Variants in NINJ2 observed in about 807,000 individuals in gnomAD.
The protein encoded by NINJ2 is ninjurin-2.
In NINJ2, 12 loss-of-function variants were observed where a neutral mutation model predicts 11.7. That is an observed-to-expected ratio of 1.02 (90% CI 0.66 to 1.66). The LOEUF (loss-of-function observed/expected upper bound fraction) is 1.66. Among genes scored for constraint, NINJ2 ranks in the 40% most tolerant of loss-of-function variants. NINJ2 has a pLI of 0.00. For synonymous variants in NINJ2, 93 were observed against 76.8 expected (o/e 1.21, Z -1.10); for missense variants, 187 against 181.8 (o/e 1.03, Z -0.16).
intron 1 of NINJ2, among the ~76,000 whole-genome samples, chr12:568,253 G>A (rs1947328767): frequency 6.6e-6 from 1 of 152,152 alleles, no homozygotes; most frequent in South Asian, 2.1e-4. Flanking sequence ...CCTAAAATAT[G>A]GTCTTGGGCA....
intron 1 of NINJ2, among the ~76,000 whole-genome samples, chr12:616,728 T>C (rs1395759434): frequency 6.6e-6 from 1 of 152,206 alleles, no homozygotes; most frequent in African/African-American, 2.4e-5. Flanking sequence ...CTGCTAGTGT[T>C]CTCCTCTCTT....
chr12:611,756 A>G lies in NINJ2; in HGVS notation c.34-45578T>C, dbSNP rs189831879. Reference sequence around the variant, plus strand: ...TGTAGATATTCTTCCCATACCCACCATACCTCTTTCTTGGCAATAAATAAC... The same window carrying G: ...TGTAGATATTCTTCCCATACCCACCGTACCTCTTTCTTGGCAATAAATAAC... On this transcript the variant is annotated intron_variant, in intron 1 of 3. Transcript: ENST00000305108. Among the ~76,000 whole-genome samples, 575 of 152,366 alleles carry G rather than the reference A, an allele frequency of 3.8e-3. 2 individuals are homozygous for G. The highest frequency in any genetic ancestry group is 5.1e-3 in the Non-Finnish European group (348 of 68,026).
At chr12:616,177 T>C (rs1948089153) in intron 1 of NINJ2, among the ~76,000 whole-genome samples, 1 of 152,132 alleles carries the variant, frequency 6.6e-6, no homozygotes, top group African/African-American at 2.4e-5. Flanking sequence ...TGAAGCAAAG[T>C]CCTATAGTCA....
In NINJ2 at chr12:583,763, C is replaced by T. The variant is rs560502236; in HGVS notation, c.34-17585G>A. Among the ~76,000 whole-genome samples, 23 of 152,340 alleles carry T rather than the reference C, an allele frequency of 1.5e-4. No homozygotes were observed. The East Asian group carries it at 4.4e-3, about 29-fold the overall frequency. Reference sequence around the variant, plus strand: ...CCTCGAAGTGTGAGTGGCAGCCTGGCTTGAGGACGCGGACACTTAGAACCA... The same window carrying T: ...CCTCGAAGTGTGAGTGGCAGCCTGGTTTGAGGACGCGGACACTTAGAACCA... On this transcript the variant is annotated intron_variant, in intron 1 of 3. Transcript: ENST00000305108.
At chr12:658,943 A>G (rs1937916599) in intron 1 of NINJ2, among the ~76,000 whole-genome samples, 1 of 151,614 alleles carries the variant, frequency 6.6e-6, no homozygotes, top group Non-Finnish European at 1.5e-5. Context: ...GCAAGGGGCT[A>G]TATGGGAGAT....
chr12:592,180 A>G (rs1040444012), intron 1 of NINJ2, among the ~76,000 whole-genome samples: 6 of 152,094 alleles, frequency 3.9e-5, no homozygotes, highest in African/African-American at 2.4e-5. Context: ...TAGTGTCCCC[A>G]AGTGCAAAAT....
intron 1 of NINJ2, among the ~76,000 whole-genome samples, chr12:622,434 A>AAAAAAAT (rs1206701601): frequency 6.9e-6 from 1 of 144,332 alleles, no homozygotes; most frequent in Admixed American, 6.8e-5. Context: ...AAAAAAAAAA[A>AAAAAAAT]GGAAAGAAAG....
intron 1 of NINJ2, among the ~76,000 whole-genome samples, chr12:579,484 C>A (rs964551119): frequency 7.0e-6 from 1 of 143,744 alleles, no homozygotes; most frequent in African/African-American, 2.7e-5. Flanking sequence ...TGGAGTCACA[C>A]AAAACAAAAC....
intron 1 of NINJ2, among the ~76,000 whole-genome samples, chr12:650,194 C>T (rs1937765676): frequency 6.6e-6 from 1 of 151,738 alleles, no homozygotes; most frequent in South Asian, 2.1e-4. Context: ...AAGCGATTCT[C>T]ATGCCTCAGC....
At chr12:570,858 G>C (rs1947366253) in intron 1 of NINJ2, among the ~76,000 whole-genome samples, 1 of 152,248 alleles carries the variant, frequency 6.6e-6, no homozygotes, top group African/African-American at 2.4e-5. Flanking sequence ...CTGCCTCTGG[G>C]CTTGGAACTT....
rs529705037 is a variant in NINJ2 at position 566,519 on chromosome 12, G to T, written c.34-341C>A. On this transcript the variant is annotated intron_variant, in intron 1 of 3. Coordinates refer to ENST00000305108, the MANE Select transcript of NINJ2 (RefSeq NM_016533.6). Reference sequence around the variant, plus strand: ...CTATTCACTATTTTACCTGGGCCAGGCCTCAGCTTTGGGCTGTGTTCTTTT... The same window carrying T: ...CTATTCACTATTTTACCTGGGCCAGTCCTCAGCTTTGGGCTGTGTTCTTTT... Among the ~76,000 whole-genome samples, 183 of 152,288 alleles carry T rather than the reference G, an allele frequency of 1.2e-3. 1 individual carries two copies. The highest frequency in any genetic ancestry group is 1.2e-3 in the Non-Finnish European group (81 of 68,014).
At position 614,723 on chromosome 12, in the gene NINJ2, C is replaced by T. The variant is rs78506601; in HGVS notation, c.34-48545G>A. Among the ~76,000 whole-genome samples, 2 of 152,248 alleles carry T rather than the reference C, an allele frequency of 1.3e-5. No individual in the cohort carries two copies. Among genetic ancestry groups the T allele is most frequent in the East Asian group, 3.9e-4 (2 of 5,184 alleles). On this transcript the variant is annotated intron_variant, in intron 1 of 3. Transcript: ENST00000305108. The surrounding 1 kb of genome is among the most constrained non-coding windows in gnomAD (Gnocchi z 5.1). ...TCCAAAGAAGGGAACAAAGGCTTGA[C>T]ACCTCAGGGCTCGGCCTGCCTGTTT...
At chr12:625,102 CAA>C (rs200290771) in intron 1 of NINJ2, among the ~76,000 whole-genome samples, 69 of 93,556 alleles carry the variant, frequency 7.4e-4, no homozygotes, top group Admixed American at 2.7e-3. Flanking sequence ...GACTTCATCT[CAA>C]AAAAAAAAAA....
At chr12:630,358 G>A (rs1487055467) in intron 1 of NINJ2, among the ~76,000 whole-genome samples, 6 of 150,422 alleles carry the variant, frequency 4.0e-5, no homozygotes, top group Non-Finnish European at 3.0e-5. Flanking sequence ...TCTTTTTCTT[G>A]GTTTTTTGTT....
intron 1 of NINJ2, among the ~76,000 whole-genome samples, chr12:639,780 G>C (rs1234015444): frequency 2.6e-5 from 4 of 152,218 alleles, no homozygotes; most frequent in African/African-American, 9.6e-5. Flanking sequence ...ATCATATCAA[G>C]TACAGCTCCA....
intron 1 of NINJ2, among the ~76,000 whole-genome samples, chr12:658,791 T>C (rs895981299): frequency 3.3e-5 from 5 of 152,148 alleles, no homozygotes; most frequent in African/African-American, 1.2e-4. Flanking sequence ...ACGCATAGAA[T>C]GTTTAACACC....
Position 599,703 on chromosome 12 carries a change from A to T in NINJ2, c.34-33525T>A, listed in dbSNP as rs80052252. Among the ~76,000 whole-genome samples the T allele has an allele frequency of 5.1e-3, 773 of 152,260 alleles. 4 individuals carry two copies. The highest frequency in any genetic ancestry group is 0.018 in the African/African-American group (737 of 41,532). On this transcript the variant is annotated intron_variant, in intron 1 of 3. Coordinates refer to ENST00000305108, the MANE Select transcript of NINJ2 (RefSeq NM_016533.6). ...TCAGTAGAGTTGGGAGATTAGGACC[A>T]CTCAGTCCCAGCAAGTCTGGAAGTG... is the stretch of plus-strand genomic sequence containing the variant.
In NINJ2 at chr12:643,420, C is replaced by A. The variant is rs546376014; in HGVS notation, c.33+19908G>T. 1.1e-4 allele frequency: 113 copies of A among 987,820 alleles called. 2 individuals carry two copies. In the South Asian group the frequency reaches 4.6e-3, roughly 40 times the overall value. 61.2% of individuals were successfully genotyped at this position (987,820 alleles called of 1,614,324 possible). On this transcript the variant is annotated intron_variant, in intron 1 of 3. Coordinates refer to ENST00000305108, the MANE Select transcript of NINJ2 (RefSeq NM_016533.6). ...GTCGCGCCAGCCCTCGGGCCTACAT[C>A]CGCTCCGCCGCGACGCGGCTCACAA... is the stretch of plus-strand genomic sequence containing the variant.
intron 1 of NINJ2, chr12:589,510 A>G (rs1459222322): frequency 2.0e-5 from 3 of 152,312 alleles, no homozygotes; most frequent in African/African-American, 7.2e-5. Flanking sequence ...TCCCAATTGT[A>G]GGTTGTTTTC....
Sources: allele counts gnomAD v4.1 joint callset (sites outside exome capture counted in the v4.1 genomes callset), GRCh38; gene constraint gnomAD v4.1.1; non-coding constraint Gnocchi (gnomAD v3.1); transcripts MANE v1.5; gene names NCBI Gene and HGNC (gene_info 2026-07-23, HGNC 2026-07-21).